The following FMNL1 variants were observed in gnomAD, a reference collection of about 807,000 sequenced individuals.
FMNL1 encodes the protein formin like 1, also known as formin-like protein 1.
In FMNL1, 43 loss-of-function variants were observed where a neutral mutation model predicts 121.3. The observed-to-expected ratio is 0.35, with a 90% CI of 0.28 to 0.46. The LOEUF (loss-of-function observed/expected upper bound fraction) is 0.46, where lower values mean the gene tolerates loss of function less well. Ranked by LOEUF, FMNL1 falls within the 20% of genes least tolerant of loss-of-function variation. The probability of loss-of-function intolerance (pLI) is 1.00; values close to 1 mark genes in which losing one functional copy is unlikely to be tolerated. For missense variants in FMNL1, 1,191 were observed against 1,482.4 expected (o/e 0.80, Z 3.23); for synonymous variants, 613 against 613.5 (o/e 1.00, Z 0.01).
rs1442814141 is a variant in FMNL1 at position 45,231,161 on chromosome 17, G to A, written c.213+474G>A. ...CAACTCCCCAAGGCCAGCCACTTTG[G>A]ACCCCTGCTTTGGTGCTCCGTCCAG... On this transcript the variant is annotated intron_variant, in intron 2 of 26. Coordinates refer to ENST00000331495, the MANE Select transcript of FMNL1 (RefSeq NM_005892.4). The surrounding 1 kb of genome is among the most constrained non-coding windows in gnomAD (Gnocchi z 4.7). Among the ~76,000 whole-genome samples, 1 of 152,236 alleles carries A rather than the reference G, an allele frequency of 6.6e-6. No individual in the cohort carries two copies. The highest frequency in any genetic ancestry group is 1.5e-5 in the Non-Finnish European group (1 of 68,040).
rs1233916970 is a variant in FMNL1, at chr17:45,246,900, C to T, written c.*42C>T. On this transcript the variant is annotated 3_prime_UTR_variant, in exon 27 of 27. Transcript: ENST00000331495. Reference sequence around the variant, plus strand: ...AACCAGCCCTACATCCGCGCAGACACAGGCCGCCGCAGTGCCCGTCGGCGT... The same window carrying T: ...AACCAGCCCTACATCCGCGCAGACATAGGCCGCCGCAGTGCCCGTCGGCGT... 1 of 756,536 alleles carries T rather than the reference C, an allele frequency of 1.3e-6. No homozygotes were observed. The highest frequency in any genetic ancestry group is 1.4e-5 in the South Asian group (1 of 72,752). 46.9% of individuals were successfully genotyped at this position (756,536 alleles called of 1,614,324 possible).
Position 45,240,532 on chromosome 17 carries a change from C to G in FMNL1, c.1137C>G (p.Asp379Glu). ...AGGTGCAGATCCAGGCGTACCTGGA[C>G]AATATTTTTGATGTGGGGGCGCTGC... ...KLQVQIQAYLDNIFDVGALLE... is the reference protein window; with the variant it reads ...KLQVQIQAYLENIFDVGALLE... Residue 379 changes from aspartate to glutamate, a missense_variant, in exon 12 of 27, where the codon GAC (aspartate) becomes GAG (glutamate). Transcript: ENST00000331495. 1 of 1,613,580 alleles carries G rather than the reference C, an allele frequency of 6.2e-7. No homozygotes were observed. Among genetic ancestry groups the G allele is most frequent in the South Asian group, 1.1e-5 (1 of 91,048 alleles).
intron 21 of FMNL1, 71 bp downstream of exon 21, chr17:45,245,179 G>C: frequency 6.2e-7 from 1 of 1,611,010 alleles, no homozygotes; most frequent in South Asian, 1.1e-5. Context: ...AAAGCTAGGG[G>C]GCCACAGTAT....
chr17:45,224,569 C>G (rs754605314), intron 1 of FMNL1, among the ~76,000 whole-genome samples: 6 of 152,178 alleles, frequency 3.9e-5, no homozygotes, highest in Non-Finnish European at 8.8e-5. Context: ...CCCTTTTGTC[C>G]CTGGTGGGGC....
chr17:45,222,799 C>T (rs2043256648), intron 1 of FMNL1, among the ~76,000 whole-genome samples: 1 of 149,962 alleles, frequency 6.7e-6, no homozygotes, highest in African/African-American at 2.4e-5. Flanking sequence ...GCCAGGGTGC[C>T]TGTGGGTCTT....
intron 24 of FMNL1, 26 bp from the exon 25 acceptor site, chr17:45,246,184 G>A (rs374928985): frequency 6.3e-7 from 1 of 1,592,728 alleles, no homozygotes; most frequent in African/African-American, 1.3e-5. Flanking sequence ...AGGCATCCTG[G>A]AGCTGGAGCT....
At chr17:45,238,533 G>T (rs765571502) in intron 9 of FMNL1, 31 bp from the exon 10 acceptor site, 4 of 1,610,034 alleles carry the variant, frequency 2.5e-6, no homozygotes, top group Non-Finnish European at 3.4e-6. Context: ...TGTGTCACTG[G>T]GCCTCAGTGA....
intron 10 of FMNL1, 105 bp from the exon 11 acceptor site, chr17:45,238,850 G>T: frequency 1.8e-6 from 2 of 1,128,530 alleles, no homozygotes; most frequent in Non-Finnish European, 1.3e-6. Context: ...AGTTAGTGGA[G>T]TGAGAACTGT....
chr17:45,245,131 G>T, intron 21 of FMNL1, 23 bp downstream of exon 21: 1 of 1,612,486 alleles, frequency 6.2e-7, no homozygotes, highest in Non-Finnish European at 8.5e-7. Flanking sequence ...CAGATCCTTG[G>T]GTGTGGGGAG....
Position 45,237,175 on chromosome 17 carries a change from A to G in FMNL1, c.724-106A>G. 9.9e-7 allele frequency: 1 copy of G among 1,014,944 alleles called. No individual in the cohort carries two copies. The highest frequency in any genetic ancestry group is 2.5e-5 in the East Asian group (1 of 39,996). 62.9% of individuals were successfully genotyped at this position (1,014,944 alleles called of 1,614,324 possible). ...GTGGCCACAGAAGTTGCGGTTGGAT[A>G]CAAAGAACTTCCTAAACTCGAGGGC... On this transcript the variant is annotated intron_variant, in intron 7 of 26. Transcript: ENST00000331495. This position sits in a 1 kb window ranked among gnomAD's most constrained non-coding sequence, Gnocchi z 4.4.
Position 45,243,278 on chromosome 17 carries a change from A to G in FMNL1, c.2171A>G (p.Lys724Arg). 1 of 1,613,874 alleles carries G rather than the reference A, an allele frequency of 6.2e-7. No homozygotes were observed. The highest frequency in any genetic ancestry group is 1.1e-5 in the South Asian group (1 of 91,076). ...RAKNLAITLR[K>R]GNLGAERICQ... ...AAGAACTTGGCCATCACCCTGCGGA[A>G]GGGCAACCTGGGGGCCGAGCGCATC... The change falls in exon 17 of 27, where the codon AAG becomes AGG. Residue 724 changes from lysine (K) to arginine (R), a missense_variant. Lys to Arg is a conservative substitution (Grantham distance 26). Around this residue, in one of 4 missense-constraint regions of FMNL1, gnomAD observed 367 missense variants for 528.6 expected, o/e 0.69. Coordinates refer to ENST00000331495, the MANE Select transcript of FMNL1 (RefSeq NM_005892.4).
In FMNL1 at chr17:45,237,243, G is replaced by A. The variant is rs1302491323; in HGVS notation, c.724-38G>A. 3.7e-6 allele frequency: 6 copies of A among 1,605,520 alleles called. No homozygotes were observed. The East Asian group carries it at 1.1e-4, about 30-fold the overall frequency. The stretch of plus-strand genomic sequence containing the variant: ...GCGTGGGTGCCTGAAGTCCTGGGGG[G>A]CCCTTCCTGGAGACACTGACCTCTC... On this transcript the variant is annotated intron_variant, in intron 7 of 26. Coordinates refer to ENST00000331495, the MANE Select transcript of FMNL1 (RefSeq NM_005892.4). This position sits in a 1 kb window ranked among gnomAD's most constrained non-coding sequence, Gnocchi z 4.4.
In FMNL1 at chr17:45,236,117, T is replaced by A. The variant is rs1401699877; in HGVS notation, c.615-19T>A. 1 of 1,603,114 alleles carries A rather than the reference T, an allele frequency of 6.2e-7. No individual in the cohort carries two copies. The highest frequency in any genetic ancestry group is 8.5e-7 in the Non-Finnish European group (1 of 1,176,026). ...GGGGCTCACTCTGACTCCTGCTGCC[T>A]CCTCCACACCCCGCCCAGGCTGACC... On this transcript the variant is annotated intron_variant, in intron 6 of 26. Transcript: ENST00000331495.
At chr17:45,245,490 C>T (rs1567973955) in intron 22 of FMNL1, 74 bp downstream of exon 22, 1 of 1,606,616 alleles carries the variant, frequency 6.2e-7, no homozygotes, top group Non-Finnish European at 8.5e-7. Context: ...AGGGGTGTGG[C>T]CGTAGCTGGG....
intron 7 of FMNL1, chr17:45,236,570 G>A: frequency 9.4e-6 from 2 of 213,090 alleles, no homozygotes; most frequent in Non-Finnish European, 1.9e-5. Context: ...CATTTGGAGG[G>A]CTGATGGGTG....
At chr17:45,246,381 T>C (rs2043835170) in intron 25 of FMNL1, 51 bp downstream of exon 25, 1 of 1,614,084 alleles carries the variant, frequency 6.2e-7, no homozygotes, top group Admixed American at 1.7e-5. Context: ...CCTTCTATGC[T>C]TTCTTCTGAC....
Position 45,231,244 on chromosome 17 carries a change from G to A in FMNL1, c.213+557G>A, listed in dbSNP as rs1454178333. 2.0e-5 allele frequency among the ~76,000 whole-genome samples: 3 copies of A among 151,450 alleles called. No homozygotes were observed. Among genetic ancestry groups the A allele is most frequent in the African/African-American group, 7.4e-5 (3 of 40,772 alleles). On this transcript the variant is annotated intron_variant, in intron 2 of 26. Transcript: ENST00000331495. The surrounding 1 kb of genome is among the most constrained non-coding windows in gnomAD (Gnocchi z 4.7). Reference sequence around the variant, plus strand: ...CACCCCTCCAGCTTCAAGGGCTGCGGTCGGCCATGGGCCGACCCTCTCCCA... The same window carrying A: ...CACCCCTCCAGCTTCAAGGGCTGCGATCGGCCATGGGCCGACCCTCTCCCA...
intron 1 of FMNL1, among the ~76,000 whole-genome samples, chr17:45,227,622 A>G (rs1016410362): frequency 6.6e-6 from 1 of 152,134 alleles, no homozygotes; most frequent in African/African-American, 2.4e-5. Context: ...GTGTTTCTGG[A>G]TGTTTTCACA....
chr17:45,235,553 G>C (rs1489808447), intron 6 of FMNL1, among the ~76,000 whole-genome samples: 1 of 152,138 alleles, frequency 6.6e-6, no homozygotes, highest in African/African-American at 2.4e-5. Context: ...AGTCCCGGTC[G>C]GCAGTTCTGC....
Sources: gnomAD v4.1 joint callset for allele counts (sites outside exome capture counted in the v4.1 genomes callset) on GRCh38, gnomAD v4.1.1 for gene constraint, gnomAD v4.1.1 regional missense constraint, Gnocchi (gnomAD v3.1) non-coding constraint, MANE v1.5 for transcripts, NCBI Gene and HGNC (gene_info 2026-07-23, HGNC 2026-07-21) for gene names.